SLC35F1: variants seen among roughly 807,000 people sequenced by gnomAD.
The protein encoded by SLC35F1 is chromosome 6 open reading frame 169.
In SLC35F1, 14 loss-of-function variants were observed where a neutral mutation model predicts 48.7. The ratio of observed to expected loss-of-function variants is 0.29; its 90% CI spans 0.19 to 0.45. The LOEUF is 0.45. SLC35F1 is among the 20% of genes least tolerant of loss of function. The pLI, the probability that SLC35F1 is intolerant of heterozygous loss-of-function variation, is 1.00. For missense variants in SLC35F1, 404 were observed against 500.0 expected (o/e 0.81, Z 1.83); for synonymous variants, 190 against 202.2 (o/e 0.94, Z 0.51).
intron 1 of SLC35F1, among the ~76,000 whole-genome samples, chr6:118,015,718 A>G (rs923256016): frequency 2.6e-5 from 4 of 152,126 alleles, no homozygotes; most frequent in Non-Finnish European, 4.4e-5. Flanking sequence ...TTTGACCACA[A>G]CCATCAAAGA....
At chr6:118,163,986 T>C (rs998885914) in intron 2 of SLC35F1, among the ~76,000 whole-genome samples, 3 of 151,364 alleles carry the variant, frequency 2.0e-5, no homozygotes. Context: ...AAGCAAACAG[T>C]TTTTTTTGTT....
At chr6:118,161,809 A>T (rs900750902) in intron 2 of SLC35F1, among the ~76,000 whole-genome samples, 22 of 152,220 alleles carry the variant, frequency 1.4e-4, no homozygotes, top group African/African-American at 5.3e-4. Flanking sequence ...GATGTTATAC[A>T]AATATCATGC....
intron 2 of SLC35F1, among the ~76,000 whole-genome samples, chr6:118,217,646 A>G (rs1173167267): frequency 6.6e-6 from 1 of 152,184 alleles, no homozygotes; most frequent in African/African-American, 2.4e-5. Flanking sequence ...ATTTTACCAC[A>G]TGGAAAAAAC....
At chr6:118,156,239 A>T (rs1212576680) in intron 2 of SLC35F1, among the ~76,000 whole-genome samples, 1 of 152,156 alleles carries the variant, frequency 6.6e-6, no homozygotes, top group Non-Finnish European at 1.5e-5. Flanking sequence ...TGTCAAAAAA[A>T]AAAAGCATGA....
chr6:118,310,643 A>G (rs1776362309), intron 7 of SLC35F1, among the ~76,000 whole-genome samples: 1 of 152,162 alleles, frequency 6.6e-6, no homozygotes, highest in Non-Finnish European at 1.5e-5. Flanking sequence ...TTTCTCTACC[A>G]TTTATTAATA....
chr6:118,081,247 C>T (rs892583300), intron 1 of SLC35F1, among the ~76,000 whole-genome samples: 1 of 152,104 alleles, frequency 6.6e-6, no homozygotes, highest in African/African-American at 2.4e-5. Flanking sequence ...GACAGTTTCA[C>T]ACATACAAAA....
intron 1 of SLC35F1, among the ~76,000 whole-genome samples, chr6:117,923,700 CAT>C (rs796996554): frequency 0.029 from 168 of 5,822 alleles, 44 homozygotes; most frequent in Middle Eastern, 0.25. Flanking sequence ...TGTACATATA[CAT>C]ATATGTACAT....
chr6:118,136,447 G>T (rs989611595), intron 1 of SLC35F1, among the ~76,000 whole-genome samples: 1 of 152,122 alleles, frequency 6.6e-6, no homozygotes, highest in Non-Finnish European at 1.5e-5. Context: ...TAACAAGTAT[G>T]CCTTAGTAGG....
At chr6:118,009,078 A>C (rs545940617) in intron 1 of SLC35F1, among the ~76,000 whole-genome samples, 1 of 152,246 alleles carries the variant, frequency 6.6e-6, no homozygotes, top group South Asian at 2.1e-4. Flanking sequence ...TGTCCAGTTA[A>C]CGAGCAACAA....
chr6:118,296,701 G>C (rs1776189598), intron 7 of SLC35F1, among the ~76,000 whole-genome samples: 1 of 152,190 alleles, frequency 6.6e-6, no homozygotes, highest in Non-Finnish European at 1.5e-5. Context: ...AGGAAAGATT[G>C]AACGGGCTAG....
At chr6:118,159,247 A>AAAAAAAT (rs1774191640) in intron 2 of SLC35F1, among the ~76,000 whole-genome samples, 6 of 146,628 alleles carry the variant, frequency 4.1e-5, no homozygotes, top group African/African-American at 1.2e-4. Context: ...AAAAAAAAAA[A>AAAAAAAT]GTGCTTACTG....
At chr6:118,263,268 C>G (rs1489423683) in intron 3 of SLC35F1, among the ~76,000 whole-genome samples, 1 of 152,118 alleles carries the variant, frequency 6.6e-6, no homozygotes, top group Non-Finnish European at 1.5e-5. Flanking sequence ...GTTGGCCAGG[C>G]TGGTCTCGAA....
At chr6:118,196,693 A>C (rs552152391) in intron 2 of SLC35F1, among the ~76,000 whole-genome samples, 8 of 152,266 alleles carry the variant, frequency 5.3e-5, no homozygotes, top group African/African-American at 1.9e-4. Flanking sequence ...TCCACACCCC[A>C]GCTTGGGCCA....
At position 118,316,162 on chromosome 6, in the gene SLC35F1, T is replaced by G. The variant is rs1452137400; in HGVS notation, c.*1910T>G. The G allele has an allele frequency of 6.6e-6, 1 of 152,228 alleles. No individual in the cohort carries two copies. Among genetic ancestry groups the G allele is most frequent in the African/African-American group, 2.4e-5 (1 of 41,452 alleles). 9.4% of individuals were successfully genotyped at this position (152,228 alleles called of 1,614,324 possible). Reference sequence around the variant, plus strand: ...GCAGGCAAAAGCATCCCACACTGTCTGTCAGCACCCACATGGCCTTTTTGC... The same window carrying G: ...GCAGGCAAAAGCATCCCACACTGTCGGTCAGCACCCACATGGCCTTTTTGC... On this transcript the variant is annotated 3_prime_UTR_variant, in exon 8 of 8. Transcript: ENST00000360388.
chr6:118,074,951 A>G (rs1279554693), intron 1 of SLC35F1, among the ~76,000 whole-genome samples: 1 of 152,204 alleles, frequency 6.6e-6, no homozygotes, highest in African/African-American at 2.4e-5. Context: ...GTCGAGACAC[A>G]TAGATTTAAA....
At chr6:118,167,085 G>A (rs1429675307) in intron 2 of SLC35F1, among the ~76,000 whole-genome samples, 4 of 151,806 alleles carry the variant, frequency 2.6e-5, no homozygotes, top group Admixed American at 6.6e-5. Flanking sequence ...AAGTGCCTTC[G>A]GGGGGCTTTC....
chr6:118,081,659 A>G (rs1050565107), intron 1 of SLC35F1, among the ~76,000 whole-genome samples: 4 of 152,076 alleles, frequency 2.6e-5, no homozygotes, highest in Non-Finnish European at 4.4e-5. Flanking sequence ...AACAAAAACC[A>G]CCAGATACAA....
At chr6:118,216,844 A>G (rs887657866) in intron 2 of SLC35F1, among the ~76,000 whole-genome samples, 1 of 152,146 alleles carries the variant, frequency 6.6e-6, no homozygotes, top group African/African-American at 2.4e-5. Flanking sequence ...GCAAAACAGT[A>G]CCTACCCAGA....
In SLC35F1 at chr6:117,923,611, A is replaced by ATGTACATATACGTATACGTATATG. The variant is rs1554216657; in HGVS notation, c.173+15713_173+15714insGTACATATACGTATACGTATATGT. On this transcript the variant is annotated intron_variant, in intron 1 of 7. Coordinates refer to ENST00000360388, the MANE Select transcript of SLC35F1 (RefSeq NM_001029858.4). ...TATATACATATGTGTATATATACAT[A>ATGTACATATACGTATACGTATATG]TACATATGTATATATACATATATGT... is the stretch of plus-strand genomic sequence containing the variant. Among the ~76,000 whole-genome samples the ATGTACATATACGTATACGTATATG allele has an allele frequency of 4.0e-4, 8 of 19,872 alleles. 1 individual carries two copies. Among genetic ancestry groups the ATGTACATATACGTATACGTATATG allele is most frequent in the African/African-American group, 2.1e-3 (6 of 2,808 alleles). The allele number at this position is 19,872 out of a possible 152,430, so 13.0% of individuals were successfully genotyped here.
Sources: gnomAD v4.1 joint callset for allele counts (sites outside exome capture counted in the v4.1 genomes callset) on GRCh38, gnomAD v4.1.1 for gene constraint, MANE v1.5 for transcripts, NCBI Gene and HGNC (gene_info 2026-07-23, HGNC 2026-07-21) for gene names.